Variants in ARHGEF28 observed in about 807,000 individuals in gnomAD.
ARHGEF28 encodes Rho guanine nucleotide exchange factor 28, also known as 190 kDa guanine nucleotide exchange factor.
Under a neutral mutation model 206.6 loss-of-function variants are expected in ARHGEF28, and 152 were observed. The observed-to-expected ratio is 0.74, with a 90% CI of 0.64 to 0.84. The LOEUF is 0.84. ARHGEF28 is among the 40% of genes least tolerant of loss of function. ARHGEF28 has a pLI of 0.00. For missense variants in ARHGEF28, 2,028 were observed against 2,073.2 expected (o/e 0.98, Z 0.42); for synonymous variants, 763 against 776.4 (o/e 0.98, Z 0.29).
chr5:73,658,139 TAA>T (rs35220235), intron 1 of ARHGEF28, among the ~76,000 whole-genome samples: 1 of 146,546 alleles, frequency 6.8e-6, no homozygotes, highest in Non-Finnish European at 1.5e-5. Context: ...GTCCTTTTTT[TAA>T]AAAAAAAAAA....
chr5:73,674,569 A>C (rs1233723101), intron 1 of ARHGEF28, among the ~76,000 whole-genome samples: 1 of 152,182 alleles, frequency 6.6e-6, no homozygotes, highest in Non-Finnish European at 1.5e-5. Context: ...CAATGCCTAA[A>C]CTCCTTAGAA....
At chr5:73,843,116 T>C (rs1032420648) in intron 11 of ARHGEF28, among the ~76,000 whole-genome samples, 6 of 152,198 alleles carry the variant, frequency 3.9e-5, no homozygotes, top group African/African-American at 1.4e-4. Context: ...GTTTTATTGA[T>C]ACTTATGCAG....
rs1201080742 is a variant in ARHGEF28, at chr5:73,940,880, A to G, written c.4985A>G (p.His1662Arg). 3.3e-6 allele frequency: 5 copies of G among 1,530,508 alleles called. No individual in the cohort carries two copies. The highest frequency in any genetic ancestry group is 2.5e-5 in the East Asian group (1 of 40,092). The allele number at this position is 1,530,508 out of a possible 1,614,324, so 94.8% of individuals were successfully genotyped here. The change falls in exon 36 of 36, where the codon CAT becomes CGT. Residue 1662 changes from histidine to arginine, a missense_variant. His to Arg is a conservative substitution (Grantham distance 29, BLOSUM62 0). Coordinates refer to ENST00000513042, the MANE Select transcript of ARHGEF28 (RefSeq NM_001177693.2). ...TCCCACACTGAGTCCCCAACCCCCC[A>G]TGACTCAAATTCACACCGCCCTCAA... ...DTSHTESPTP[H>R]DSNSHRPQLQ...
intron 2 of ARHGEF28, among the ~76,000 whole-genome samples, chr5:73,734,717 T>A (rs1436858591): frequency 1.3e-5 from 2 of 152,216 alleles, no homozygotes; most frequent in Non-Finnish European, 2.9e-5. Flanking sequence ...AGCATCCAGT[T>A]CCAGAAGAAT....
At chr5:73,764,330 T>C (rs1752778706) in intron 4 of ARHGEF28, among the ~76,000 whole-genome samples, 1 of 152,246 alleles carries the variant, frequency 6.6e-6, no homozygotes, top group Non-Finnish European at 1.5e-5. Flanking sequence ...ATAATTTAGT[T>C]TGGAAATATC....
chr5:73,926,222 G>T (rs1299436852), intron 35 of ARHGEF28, among the ~76,000 whole-genome samples: 1 of 152,174 alleles, frequency 6.6e-6, no homozygotes, highest in Non-Finnish European at 1.5e-5. Context: ...AAAAATGAAT[G>T]CTCTGTCCAT....
intron 6 of ARHGEF28, among the ~76,000 whole-genome samples, chr5:73,779,478 T>C (rs1415884449): frequency 2.0e-5 from 3 of 152,204 alleles, no homozygotes; most frequent in African/African-American, 7.2e-5. Flanking sequence ...TCAAGTTTTG[T>C]TGTGTAATCA....
intron 2 of ARHGEF28, among the ~76,000 whole-genome samples, chr5:73,728,124 T>A (rs1750392954): frequency 6.6e-6 from 1 of 152,234 alleles, no homozygotes; most frequent in Admixed American, 6.5e-5. Flanking sequence ...ACTTGATTCA[T>A]CCTGACTGAC....
chr5:73,771,498 A>G (rs975691468), intron 4 of ARHGEF28, among the ~76,000 whole-genome samples: 15 of 151,936 alleles, frequency 9.9e-5, no homozygotes, highest in Non-Finnish European at 5.9e-5. Flanking sequence ...CAGTGAGCCA[A>G]GATTGCACCA....
At position 73,794,114 on chromosome 5, in the gene ARHGEF28, A is replaced by G. The variant is rs79395736; in HGVS notation, c.911-288A>G. ...CGGTAGTGAGCAGCCTTCCTTTGGA[A>G]TCAAGGGCATTTATTTATTTAATGA... On this transcript the variant is annotated intron_variant, in intron 7 of 35. Coordinates refer to ENST00000513042, the MANE Select transcript of ARHGEF28 (RefSeq NM_001177693.2). 0.045 allele frequency among the ~76,000 whole-genome samples: 6,781 copies of G among 152,282 alleles called. 218 individuals are homozygous for G. Among genetic ancestry groups the G allele is most frequent in the Non-Finnish European group, 0.072 (4,865 of 68,026 alleles).
intron 6 of ARHGEF28, among the ~76,000 whole-genome samples, chr5:73,779,030 A>G (rs892264083): frequency 6.6e-6 from 1 of 152,200 alleles, no homozygotes; most frequent in Admixed American, 6.5e-5. Context: ...TAGAACAATG[A>G]CAGTAAAACC....
In ARHGEF28 at chr5:73,897,928, T is replaced by C. The variant is rs1261591717; in HGVS notation, c.3842-34T>C. Reference sequence around the variant, plus strand: ...AGATTAAATATATACCTATCTTTGTTTTTTAGATTTATTTTTGTTTTTCTC... The same window carrying C: ...AGATTAAATATATACCTATCTTTGTCTTTTAGATTTATTTTTGTTTTTCTC... On this transcript the variant is annotated intron_variant, in intron 29 of 35. Transcript: ENST00000513042. 11 of 1,544,438 alleles carry C rather than the reference T, an allele frequency of 7.1e-6. No individual in the cohort carries two copies. In the East Asian group the frequency reaches 2.7e-4, roughly 38 times the overall value.
intron 9 of ARHGEF28, among the ~76,000 whole-genome samples, chr5:73,822,464 A>C (rs1400187439): frequency 6.6e-6 from 1 of 152,208 alleles, no homozygotes; most frequent in African/African-American, 2.4e-5. Context: ...ACCCACAGGA[A>C]ATTCCTGGGC....
At chr5:73,773,230 C>T (rs954267239) in intron 4 of ARHGEF28, among the ~76,000 whole-genome samples, 5 of 152,128 alleles carry the variant, frequency 3.3e-5, no homozygotes, top group Admixed American at 6.5e-5. Context: ...GACCAAGGGC[C>T]CTCTGTGCAG....
intron 9 of ARHGEF28, 111 bp from the exon 10 acceptor site, chr5:73,832,227 C>A: frequency 1.5e-6 from 2 of 1,302,588 alleles, no homozygotes; most frequent in Non-Finnish European, 2.1e-6. Flanking sequence ...AGCCAAAAGC[C>A]CTCTTAAAAA....
intron 34 of ARHGEF28, 27 bp downstream of exon 34, chr5:73,909,924 G>C: frequency 6.7e-7 from 1 of 1,482,122 alleles, no homozygotes; most frequent in South Asian, 1.4e-5. Flanking sequence ...GTGCTGTGAG[G>C]CAGCCTCTCA....
At chr5:73,709,458 T>C (rs1365194509) in intron 2 of ARHGEF28, among the ~76,000 whole-genome samples, 2 of 152,210 alleles carry the variant, frequency 1.3e-5, no homozygotes, top group Non-Finnish European at 2.9e-5. Flanking sequence ...TTGTGATGGT[T>C]ACTATGGCAC....
At chr5:73,703,515 A>G (rs1213846031) in intron 2 of ARHGEF28, among the ~76,000 whole-genome samples, 1 of 152,106 alleles carries the variant, frequency 6.6e-6, no homozygotes, top group Non-Finnish European at 1.5e-5. Context: ...AATAAAATAA[A>G]AGTCTATTGT....
At chr5:73,820,684 C>T (rs73763136) in intron 9 of ARHGEF28, among the ~76,000 whole-genome samples, 1,846 of 152,264 alleles carry the variant, frequency 0.012, 27 homozygotes, top group African/African-American at 0.039. Flanking sequence ...CCCCCAGAAA[C>T]GTCTGCCATC....
Sources: allele counts gnomAD v4.1 joint callset (sites outside exome capture counted in the v4.1 genomes callset), GRCh38; gene constraint gnomAD v4.1.1; transcripts MANE v1.5; gene names NCBI Gene and HGNC (gene_info 2026-07-23, HGNC 2026-07-21).